Variants in SIRT5 observed in about 807,000 individuals in gnomAD.
SIRT5 encodes the protein NAD-dependent protein deacylase sirtuin-5, mitochondrial.
SIRT5 carries 26 observed loss-of-function variants against 40.0 expected under a neutral mutation model. The ratio of observed to expected loss-of-function variants is 0.65; its 90% CI spans 0.48 to 0.90. SIRT5 has a LOEUF of 0.90. Ranked by LOEUF, SIRT5 falls within the 40% of genes least tolerant of loss-of-function variation. The pLI, the probability that SIRT5 is intolerant of heterozygous loss-of-function variation, is 0.00. For missense variants in SIRT5, 401 were observed against 402.4 expected, an observed-to-expected ratio of 1.00 and a Z score of 0.03; for synonymous variants, 146 against 149.1, an observed-to-expected ratio of 0.98 and a Z score of 0.15.
intron 3 of SIRT5, among the ~76,000 whole-genome samples, chr6:13,584,436 CGCCTCCTGGGTTCAAGCAGTTCTCTT>C (rs952281983): frequency 2.0e-5 from 3 of 152,166 alleles, no homozygotes; most frequent in African/African-American, 7.2e-5. Context: ...CCGCAACCTC[CGCCTCCTGGGTTCAAGCAGTTCTCTT>C]GCCTCAGCCT....
chr6:13,599,054 G>C lies in SIRT5; in HGVS notation c.640G>C (p.Gly214Arg), dbSNP rs1562275384. ...LPRCEEAGCG[G>R]LLRPHVVWFG... The stretch of plus-strand genomic sequence containing the variant: ...CAGGTGTGAAGAGGCAGGCTGCGGG[G>C]GCTTGCTGCGACCTCACGTCGTGTG... Residue 214 changes from glycine (G) to arginine (R), a missense_variant, in exon 8 of 10, where the codon GGC (glycine) becomes CGC (arginine). By Grantham distance (125) the Gly-to-Arg change is moderately radical. Coordinates refer to ENST00000606117, the MANE Select transcript of SIRT5 (RefSeq NM_012241.5). 6.2e-7 allele frequency: 1 copy of C among 1,613,950 alleles called. No homozygotes were observed. Among genetic ancestry groups the C allele is most frequent in the Non-Finnish European group, 8.5e-7 (1 of 1,180,020 alleles).
At chr6:13,578,538 A>G (rs1217239140) in intron 1 of SIRT5, among the ~76,000 whole-genome samples, 1 of 148,900 alleles carries the variant, frequency 6.7e-6, no homozygotes, top group Admixed American at 6.8e-5. Flanking sequence ...AATGGCATGA[A>G]CCCGGGAGGT....
At chr6:13,575,831 G>C (rs1562258085) in intron 1 of SIRT5, among the ~76,000 whole-genome samples, 2 of 152,188 alleles carry the variant, frequency 1.3e-5, no homozygotes, top group African/African-American at 4.8e-5. Context: ...CCAGGCCCCT[G>C]GTAACCATCA....
At chr6:13,595,435 G>C (rs982395523) in intron 5 of SIRT5, 42 bp from the exon 6 acceptor site, 2 of 1,456,238 alleles carry the variant, frequency 1.4e-6, no homozygotes, top group Non-Finnish European at 1.9e-6. Context: ...GGTTGCTCTT[G>C]ATTATACTAA....
chr6:13,592,572 C>G (rs1761070326), intron 5 of SIRT5, among the ~76,000 whole-genome samples: 1 of 152,018 alleles, frequency 6.6e-6, no homozygotes, highest in Non-Finnish European at 1.5e-5. Context: ...GTGGACCCCA[C>G]TGAGGCTGTG....
intron 8 of SIRT5, 57 bp downstream of exon 8, chr6:13,599,212 T>G: frequency 6.4e-7 from 1 of 1,551,228 alleles, no homozygotes; most frequent in East Asian, 2.4e-5. Flanking sequence ...ATTTTTTCCT[T>G]CCCCCTCTCC....
intron 7 of SIRT5, among the ~76,000 whole-genome samples, chr6:13,598,825 CAAA>C (rs368964409): frequency 1.3e-4 from 6 of 47,098 alleles, no homozygotes; most frequent in Admixed American, 2.0e-4. Context: ...GACTCCGTCT[CAAA>C]AAAAAAAAAA....
rs1764137318 is a variant in SIRT5, at chr6:13,613,869, G to C, written c.*2004G>C. On this transcript the variant is annotated 3_prime_UTR_variant, in exon 10 of 10. Transcript: ENST00000606117. ...TCATTTTCCTAGTGTTAGTGTCTCA[G>C]GGAGTCTGATTATATTTTTGATTTG... is the stretch of plus-strand genomic sequence containing the variant. 1.3e-5 allele frequency: 2 copies of C among 152,178 alleles called. No homozygotes were observed. Among genetic ancestry groups the C allele is most frequent in the African/African-American group, 4.8e-5 (2 of 41,424 alleles). The allele number at this position is 152,178 out of a possible 1,614,324, so 9.4% of individuals were successfully genotyped here.
In SIRT5 at chr6:13,614,972, C is replaced by CA. The variant is rs749492941; in HGVS notation, c.*3113dup. 6.8e-5 allele frequency: 14 copies of CA among 206,850 alleles called. No homozygotes were observed. The highest frequency in any genetic ancestry group is 1.1e-4 in the Non-Finnish European group (11 of 103,532). 12.8% of individuals were successfully genotyped at this position (206,850 alleles called of 1,614,324 possible). On this transcript the variant is annotated 3_prime_UTR_variant, in exon 10 of 10. Coordinates refer to ENST00000606117, the MANE Select transcript of SIRT5 (RefSeq NM_012241.5). Reference sequence around the variant, plus strand: ...GGATCCACTCGACGGAACCCAGGGCCAAAAAACGGCGGCGAGCAGCGCCTC... The same window carrying CA: ...GGATCCACTCGACGGAACCCAGGGCCAAAAAAACGGCGGCGAGCAGCGCCTC...
intron 2 of SIRT5, among the ~76,000 whole-genome samples, chr6:13,580,713 G>T (rs1759233123): frequency 6.6e-6 from 1 of 152,020 alleles, no homozygotes. Flanking sequence ...ACTCACCCAG[G>T]CAGGGAGTCC....
In SIRT5 at chr6:13,584,080, C is replaced by T; in HGVS notation, c.-31C>T. 6.6e-7 allele frequency: 1 copy of T among 1,517,472 alleles called. No homozygotes were observed. Among genetic ancestry groups the T allele is most frequent in the Non-Finnish European group, 9.1e-7 (1 of 1,095,748 alleles). The allele number at this position is 1,517,472 out of a possible 1,614,324, so 94.0% of individuals were successfully genotyped here. The stretch of plus-strand genomic sequence containing the variant: ...GTTTTTGTGATTTTTCTAAAGCCCG[C>T]CTCAAGCATTAGAACTACAGACAAA... On this transcript the variant is annotated 5_prime_UTR_variant, in exon 3 of 10. Coordinates refer to ENST00000606117, the MANE Select transcript of SIRT5 (RefSeq NM_012241.5).
rs777319268 is a variant in SIRT5 at position 13,600,785 on chromosome 6, TCTC to T, written c.742-46_742-44del. ...TAAGGTTTTCTGAAATAATGTTCCT[TCTC>T]CTTGTCGTCTGGCTGTTTGTTCATC... On this transcript the variant is annotated intron_variant, in intron 8 of 9. Coordinates refer to ENST00000606117, the MANE Select transcript of SIRT5 (RefSeq NM_012241.5). The T allele has an allele frequency of 4.2e-6, 6 of 1,415,018 alleles. No individual in the cohort carries two copies. In the African/African-American group the frequency reaches 8.5e-5, roughly 20 times the overall value. 87.7% of individuals were successfully genotyped at this position (1,415,018 alleles called of 1,614,324 possible). A position where few individuals can be genotyped will look rare whatever the true frequency, so the allele number is the denominator to read the frequency against.
intron 2 of SIRT5, among the ~76,000 whole-genome samples, chr6:13,583,289 C>CTTTTTTTTTTTTTTTTTTTTT (rs765557886): frequency 9.9e-6 from 1 of 100,532 alleles, no homozygotes; most frequent in African/African-American, 4.0e-5. Context: ...CTTCTTTGTT[C>CTTTTTTTTTTTTTTTTTTTTT]TTTTTTTTTT....
intron 9 of SIRT5, chr6:13,605,122 A>ATT: frequency 1.0e-6 from 1 of 985,546 alleles, no homozygotes; most frequent in African/African-American, 1.7e-5. Context: ...CAATGGCAGA[A>ATT]TTGTATATCT....
intron 2 of SIRT5, among the ~76,000 whole-genome samples, chr6:13,579,926 A>G (rs1759113194): frequency 6.6e-6 from 1 of 152,234 alleles, no homozygotes; most frequent in African/African-American, 2.4e-5. Context: ...GGTAAATTGA[A>G]GTTTGTCAAA....
intron 9 of SIRT5, among the ~76,000 whole-genome samples, chr6:13,606,291 C>T (rs1763090453): frequency 1.3e-5 from 2 of 152,000 alleles, no homozygotes; most frequent in African/African-American, 4.8e-5. Context: ...TGAGGAAGTC[C>T]CAGGAGAGGC....
intron 2 of SIRT5, among the ~76,000 whole-genome samples, chr6:13,582,796 C>T (rs1759522823): frequency 2.0e-5 from 3 of 152,182 alleles, no homozygotes; most frequent in Admixed American, 2.0e-4. Flanking sequence ...CAAAGATTTA[C>T]TGAATGTGCC....
chr6:13,581,894 C>T (rs528434352), intron 2 of SIRT5, among the ~76,000 whole-genome samples: 4 of 152,272 alleles, frequency 2.6e-5, no homozygotes, highest in South Asian at 2.1e-4. Context: ...CCTCCCATGC[C>T]GCTAACATGA....
chr6:13,594,137 G>A (rs1297176650), intron 5 of SIRT5, among the ~76,000 whole-genome samples: 1 of 152,116 alleles, frequency 6.6e-6, no homozygotes, highest in East Asian at 1.9e-4. Context: ...GTTTGTTGGC[G>A]GAAGGATCCA....
Sources: allele counts gnomAD v4.1 joint callset (sites outside exome capture counted in the v4.1 genomes callset), GRCh38; gene constraint gnomAD v4.1.1; transcripts MANE v1.5; gene names NCBI Gene and HGNC (gene_info 2026-07-23, HGNC 2026-07-21).